RARB: variants seen among roughly 807,000 people sequenced by gnomAD.
RARB encodes the protein retinoic acid receptor beta, also known as HBV-activated protein.
A neutral mutation model predicts 51.9 loss-of-function variants in RARB; 17 were observed. The ratio of observed to expected loss-of-function variants is 0.33; its 90% CI spans 0.22 to 0.49. RARB has a LOEUF of 0.49. Among genes scored for constraint, RARB ranks in the 20% least tolerant of loss-of-function variants. The pLI is 0.99. For synonymous variants in RARB, 215 were observed against 195.4 expected, an observed-to-expected ratio of 1.10 and a Z score of -0.84; for missense variants, 369 against 550.8, an observed-to-expected ratio of 0.67 and a Z score of 3.30.
chr3:25,120,978 G>C (rs1575169847), intron 3 of RARB, among the ~76,000 whole-genome samples: 1 of 152,114 alleles, frequency 6.6e-6, no homozygotes, highest in African/African-American at 2.4e-5. Context: ...ACCCTTTACA[G>C]AAAAAGTTGG....
At chr3:24,956,194 G>C (rs1240341207) in intron 2 of RARB, among the ~76,000 whole-genome samples, 2 of 152,110 alleles carry the variant, frequency 1.3e-5, no homozygotes, top group Admixed American at 6.5e-5. Flanking sequence ...CATTTTCTGT[G>C]CTTCAACAAG....
rs1696555172 is a variant in RARB at position 24,977,939 on chromosome 3, GT to G, written c.-379-82183del. 2.0e-5 allele frequency among the ~76,000 whole-genome samples: 3 copies of G among 152,088 alleles called. 1 individual carries two copies. The South Asian group carries it at 6.2e-4, about 32-fold the overall frequency. On this transcript the variant is annotated intron_variant, in intron 2 of 11. Coordinates refer to the RARB transcript ENST00000383772. ...TTGAGATGCATTCCATCAGTACCTA[GT>G]TTATTGAGAATTTTTAGCATGAAGT... is the stretch of plus-strand genomic sequence containing the variant.
chr3:25,045,426 A>C (rs1161178866), intron 2 of RARB, among the ~76,000 whole-genome samples: 2 of 152,164 alleles, frequency 1.3e-5, no homozygotes, highest in Non-Finnish European at 2.9e-5. Context: ...GAGAGGTTTA[A>C]GTAAATGGAC....
chr3:25,220,748 C>T (rs916864099), intron 5 of RARB, among the ~76,000 whole-genome samples: 1 of 152,186 alleles, frequency 6.6e-6, no homozygotes, highest in Non-Finnish European at 1.5e-5. Flanking sequence ...TCAATTAAAT[C>T]TCTTTCCTTT....
At chr3:25,147,306 A>G (rs1337061178) in intron 4 of RARB, among the ~76,000 whole-genome samples, 1 of 152,056 alleles carries the variant, frequency 6.6e-6, no homozygotes, top group East Asian at 1.9e-4. Flanking sequence ...GTTCTTCCCA[A>G]CACCAAGGCT....
chr3:24,881,879 T>C (rs969725534), intron 2 of RARB, among the ~76,000 whole-genome samples: 2 of 152,206 alleles, frequency 1.3e-5, no homozygotes, highest in African/African-American at 4.8e-5. Flanking sequence ...TCAGCAGAGT[T>C]TTTGAATGAA....
chr3:25,044,148 C>T (rs533936635), intron 2 of RARB, among the ~76,000 whole-genome samples: 12 of 152,250 alleles, frequency 7.9e-5, no homozygotes, highest in African/African-American at 2.9e-4. Context: ...TTAGTCAATT[C>T]TTAATAGACT....
chr3:25,549,955 A>G (rs563517664), intron 3 of RARB, among the ~76,000 whole-genome samples: 28 of 152,234 alleles, frequency 1.8e-4, no homozygotes, highest in Middle Eastern at 3.4e-3. Flanking sequence ...GAGATTTTCT[A>G]TAGACTGATG....
rs759132276 is a variant in RARB at position 25,594,530 on chromosome 3, C to T, written c.1002C>T (p.Asp334=). The change falls in exon 7 of 8, where the codon GAC becomes GAT. Residue 334 remains aspartate (D), a synonymous_variant. Coordinates refer to ENST00000330688, the MANE Select transcript of RARB (RefSeq NM_000965.5). ...ATTCCTGGTATCCAGACCGCCAGGA[C>T]CTTGAGGAACCGACAAAAGTAGATA... The part of the protein sequence containing the change: ...AICLICGDRQ[D]LEEPTKVDKL... 9 of 1,609,260 alleles carry T rather than the reference C, an allele frequency of 5.6e-6. No homozygotes were observed. The highest frequency in any genetic ancestry group is 4.0e-5 in the African/African-American group (3 of 74,400).
intron 5 of RARB, among the ~76,000 whole-genome samples, chr3:25,386,001 G>A (rs529371317): frequency 6.6e-6 from 1 of 152,286 alleles, no homozygotes; most frequent in East Asian, 1.9e-4. Flanking sequence ...CAGTCCGTGA[G>A]CTTACCCAGG....
intron 5 of RARB, among the ~76,000 whole-genome samples, chr3:25,317,839 T>G (rs183158783): frequency 6.6e-6 from 1 of 152,220 alleles, no homozygotes; most frequent in Non-Finnish European, 1.5e-5. Flanking sequence ...AAAAACATTA[T>G]TGGGGTACCT....
chr3:25,232,321 C>G (rs778716012), intron 5 of RARB, among the ~76,000 whole-genome samples: 8 of 152,108 alleles, frequency 5.3e-5, no homozygotes, highest in Non-Finnish European at 4.4e-5. Flanking sequence ...CTTTGACTTT[C>G]CACGTAAGTG....
At chr3:25,101,915 A>T (rs1046566925) in intron 3 of RARB, among the ~76,000 whole-genome samples, 1 of 152,026 alleles carries the variant, frequency 6.6e-6, no homozygotes, top group Non-Finnish European at 1.5e-5. Context: ...CTTTGTTTTG[A>T]TTTGTAACTC....
chr3:25,161,571 C>T (rs1012854472), intron 4 of RARB, among the ~76,000 whole-genome samples: 1 of 152,078 alleles, frequency 6.6e-6, no homozygotes, highest in East Asian at 1.9e-4. Flanking sequence ...GTGGTCTCCA[C>T]TGGCTCACAA....
chr3:25,407,642 C>T (rs540093765), intron 5 of RARB, among the ~76,000 whole-genome samples: 5 of 152,256 alleles, frequency 3.3e-5, no homozygotes, highest in Admixed American at 6.5e-5. Flanking sequence ...CATGCATGCA[C>T]GCACACACAC....
chr3:25,520,353 C>T (rs1157832022), intron 3 of RARB, among the ~76,000 whole-genome samples: 2 of 152,162 alleles, frequency 1.3e-5, no homozygotes, highest in East Asian at 3.9e-4. Flanking sequence ...ACCATCCTAT[C>T]TCAACAGTTC....
At chr3:25,536,836 A>G (rs1489215939) in intron 3 of RARB, among the ~76,000 whole-genome samples, 1 of 152,206 alleles carries the variant, frequency 6.6e-6, no homozygotes, top group East Asian at 1.9e-4. Flanking sequence ...TATGAAAGTC[A>G]CTGTGACATA....
At chr3:25,345,883 T>G (rs1052347560) in intron 5 of RARB, 1 of 912,748 alleles carries the variant, frequency 1.1e-6, no homozygotes, top group Admixed American at 6.2e-5. Context: ...CCACTAAATA[T>G]GTATAATTAT....
intron 1 of RARB, among the ~76,000 whole-genome samples, chr3:24,838,283 T>C (rs2125329042): frequency 6.6e-6 from 1 of 152,304 alleles, no homozygotes; most frequent in South Asian, 2.1e-4. Context: ...TGTGATTAGA[T>C]AATCCAGGAT....
Sources: allele counts gnomAD v4.1 joint callset (sites outside exome capture counted in the v4.1 genomes callset), GRCh38; gene constraint gnomAD v4.1.1; transcripts MANE v1.5; gene names NCBI Gene and HGNC (gene_info 2026-07-23, HGNC 2026-07-21).